NUTF2: variants seen among roughly 807,000 people sequenced by gnomAD.
The protein encoded by NUTF2 is nuclear transport factor 2, also known as placental protein 15.
A neutral mutation model predicts 18.5 loss-of-function variants in NUTF2; 3 were observed. That is an observed-to-expected ratio of 0.16 (90% CI 0.07 to 0.42). The LOEUF is 0.42. Among genes scored for constraint, NUTF2 ranks in the 10% least tolerant of loss-of-function variants. The probability of loss-of-function intolerance (pLI) is 0.99; values close to 1 mark genes in which losing one functional copy is unlikely to be tolerated. For missense variants in NUTF2, 44 were observed against 160.7 expected (o/e 0.27, Z 3.93); for synonymous variants, 51 against 57.9 (o/e 0.88, Z 0.54).
intron 1 of NUTF2, among the ~76,000 whole-genome samples, chr16:67,850,421 T>A (rs2057845175): frequency 6.6e-6 from 1 of 151,800 alleles, no homozygotes; most frequent in African/African-American, 2.4e-5. Context: ...TCAGCCAGGA[T>A]GGTCTCGATC....
At chr16:67,848,823 A>C (rs1361003931) in intron 1 of NUTF2, among the ~76,000 whole-genome samples, 1 of 151,896 alleles carries the variant, frequency 6.6e-6, no homozygotes, top group African/African-American at 2.4e-5. Flanking sequence ...GCAGAATATC[A>C]GGTCTCTTAG....
At chr16:67,853,826 T>C (rs964606280) in intron 1 of NUTF2, among the ~76,000 whole-genome samples, 1 of 151,960 alleles carries the variant, frequency 6.6e-6, no homozygotes, top group Non-Finnish European at 1.5e-5. Context: ...TTACAACTTC[T>C]TGTAGAGACG....
Position 67,871,220 on chromosome 16 carries a change from G to A in NUTF2, c.*307G>A, listed in dbSNP as rs1178630909. The A allele has an allele frequency of 4.2e-6, 1 of 237,542 alleles. No individual in the cohort carries two copies. Among genetic ancestry groups the A allele is most frequent in the Admixed American group, 5.8e-5 (1 of 17,232 alleles). The allele number at this position is 237,542 out of a possible 1,614,324, so 14.7% of individuals were successfully genotyped here. A position where few individuals can be genotyped will look rare whatever the true frequency, so the allele number is the denominator to read the frequency against. On this transcript the variant is annotated 3_prime_UTR_variant, in exon 5 of 5. Transcript: ENST00000219169. ...CAAGTTGCTCTAGTAACCCAAAGAA[G>A]TGAAGGAGAAAGCAGCTGCCTCACC...
intron 1 of NUTF2, chr16:67,856,243 A>C (rs1260303980): frequency 4.9e-6 from 1 of 204,422 alleles, no homozygotes; most frequent in Non-Finnish European, 1.0e-5. Context: ...CCTAGGCTGG[A>C]GTGCCGTGGT....
intron 1 of NUTF2, among the ~76,000 whole-genome samples, chr16:67,848,231 G>A (rs1346527797): frequency 5.9e-5 from 9 of 152,174 alleles, no homozygotes; most frequent in Non-Finnish European, 1.3e-4. Flanking sequence ...TTGGGACTAG[G>A]GGAGAGATGG....
At chr16:67,857,889 G>C (rs1043585523) in intron 1 of NUTF2, among the ~76,000 whole-genome samples, 1 of 152,218 alleles carries the variant, frequency 6.6e-6, no homozygotes, top group African/African-American at 2.4e-5. Context: ...GAGGGGAAGT[G>C]GGTCAGTAGG....
At position 67,865,145 on chromosome 16, in the gene NUTF2, A is replaced by G. The variant is rs757683569; in HGVS notation, c.15A>G (p.Pro5=). 4 of 1,612,074 alleles carry G rather than the reference A, an allele frequency of 2.5e-6. No homozygotes were observed. The highest frequency in any genetic ancestry group is 3.4e-6 in the Non-Finnish European group (4 of 1,179,504). MGDK[P]IWEQIGSSFI... is the part of the protein sequence containing the mutation. ...GACGCTCCAGAATGGGAGACAAGCC[A>G]ATTTGGGAGCAGATTGGATCCAGCT... Residue 5 remains proline, a synonymous_variant, in exon 2 of 5, where the codon CCA becomes CCG. Coordinates refer to ENST00000219169, the MANE Select transcript of NUTF2 (RefSeq NM_005796.3).
chr16:67,861,833 T>C (rs1375100690), intron 1 of NUTF2, among the ~76,000 whole-genome samples: 1 of 152,204 alleles, frequency 6.6e-6, no homozygotes, highest in Non-Finnish European at 1.5e-5. Context: ...CTGGCTATTC[T>C]GGGGAACATC....
In NUTF2 at chr16:67,868,481, TC is replaced by T; in HGVS notation, c.172-17del. 1 of 1,613,666 alleles carries T rather than the reference TC, an allele frequency of 6.2e-7. No individual in the cohort carries two copies. The highest frequency in any genetic ancestry group is 8.5e-7 in the Non-Finnish European group (1 of 1,179,614). On this transcript the variant is annotated intron_variant, in intron 3 of 4. Coordinates refer to ENST00000219169, the MANE Select transcript of NUTF2 (RefSeq NM_005796.3). Reference sequence around the variant, plus strand: ...CCCTTCTGGCCTTGGTTCTCCCACCTCCCACTCTCTCTCTTGTAGAGCCTTC... The same window carrying T: ...CCCTTCTGGCCTTGGTTCTCCCACCTCCACTCTCTCTCTTGTAGAGCCTTC...
Position 67,870,791 on chromosome 16 carries a change from T to C in NUTF2, c.271-9T>C, listed in dbSNP as rs748835189. On this transcript the variant is annotated splice_polypyrimidine_tract_variant and intron_variant, in intron 4 of 4. Transcript: ENST00000219169. Reference sequence around the variant, plus strand: ...TCCCCTTACTGAATCCTCTTTTCTCTCCTCATAGGCGGATGAAGACCCCAT... The same window carrying C: ...TCCCCTTACTGAATCCTCTTTTCTCCCCTCATAGGCGGATGAAGACCCCAT... 4.6e-5 allele frequency: 74 copies of C among 1,604,302 alleles called. No homozygotes were observed. In the East Asian group the frequency reaches 1.5e-3, roughly 33 times the overall value.
intron 1 of NUTF2, among the ~76,000 whole-genome samples, chr16:67,862,006 G>A (rs1009534306): frequency 6.6e-6 from 1 of 152,082 alleles, no homozygotes; most frequent in Non-Finnish European, 1.5e-5. Context: ...GCAGGCTCTC[G>A]GTAGGTTCTG....
chr16:67,855,972 GCTT>G, intron 1 of NUTF2: 1 of 1,216,416 alleles, frequency 8.2e-7, no homozygotes, highest in South Asian at 1.3e-5. Context: ...TTCTGGAACT[GCTT>G]CTTGGTGCCA....
intron 1 of NUTF2, among the ~76,000 whole-genome samples, chr16:67,850,960 C>T (rs554709492): frequency 6.6e-6 from 1 of 152,050 alleles, no homozygotes; most frequent in South Asian, 2.1e-4. Flanking sequence ...ACCACCACAC[C>T]CAGCTAATTT....
At chr16:67,849,388 C>G (rs2057834717) in intron 1 of NUTF2, among the ~76,000 whole-genome samples, 1 of 152,232 alleles carries the variant, frequency 6.6e-6, no homozygotes, top group South Asian at 2.1e-4. Context: ...GTCACCCAGG[C>G]TGGAGTGCTG....
At chr16:67,847,210 C>T (rs1414375683) in intron 1 of NUTF2, 1 of 152,114 alleles carries the variant, frequency 6.6e-6, no homozygotes, top group Non-Finnish European at 1.5e-5. Flanking sequence ...AGCCGGGCGC[C>T]TATCTGGGCC....
At chr16:67,868,807 C>T in intron 4 of NUTF2, 2 of 472,970 alleles carry the variant, frequency 4.2e-6, no homozygotes, top group Non-Finnish European at 7.7e-6. Flanking sequence ...AAATGTACTT[C>T]TTCGGTTGTA....
chr16:67,862,390 T>C (rs2057940829), intron 1 of NUTF2, among the ~76,000 whole-genome samples: 1 of 152,120 alleles, frequency 6.6e-6, no homozygotes, highest in African/African-American at 2.4e-5. Flanking sequence ...TCCTTGTCAT[T>C]TTCTGGGAGC....
intron 1 of NUTF2, chr16:67,847,581 G>C (rs922802660): frequency 2.6e-5 from 4 of 152,418 alleles, no homozygotes; most frequent in Non-Finnish European, 4.4e-5. Context: ...GTTTCTTACC[G>C]CGCCCTTTGT....
intron 1 of NUTF2, among the ~76,000 whole-genome samples, chr16:67,863,943 G>A (rs1448257183): frequency 2.0e-5 from 3 of 152,192 alleles, no homozygotes; most frequent in Non-Finnish European, 4.4e-5. Flanking sequence ...TCCTCTCAGA[G>A]ACCCGAGAGA....
Sources: allele counts gnomAD v4.1 joint callset (sites outside exome capture counted in the v4.1 genomes callset), GRCh38; gene constraint gnomAD v4.1.1; transcripts MANE v1.5; gene names NCBI Gene and HGNC (gene_info 2026-07-23, HGNC 2026-07-21).